VSTM1: variants seen among roughly 807,000 people sequenced by gnomAD.
VSTM1 encodes the protein V-set and transmembrane domain-containing protein 1.
In VSTM1, 27 loss-of-function variants were observed where a neutral mutation model predicts 33.1. That is an observed-to-expected ratio of 0.82 (90% CI 0.60 to 1.12). The LOEUF is 1.12. VSTM1 is among the 50% of genes most tolerant of loss of function. The probability of loss-of-function intolerance (pLI) is 0.00; values close to 1 mark genes in which losing one functional copy is unlikely to be tolerated. For missense variants in VSTM1, 304 were observed against 288.9 expected, an observed-to-expected ratio of 1.05 and a Z score of -0.38; for synonymous variants, 115 against 110.3, an observed-to-expected ratio of 1.04 and a Z score of -0.27.
chr19:54,055,996 T>G (rs75697675), intron 3 of VSTM1, among the ~76,000 whole-genome samples: 2,102 of 140,214 alleles, frequency 0.015, 335 homozygotes, highest in African/African-American at 0.052. Flanking sequence ...CTAGAGCCAG[T>G]AAACAACTTG....
intron 1 of VSTM1, among the ~76,000 whole-genome samples, chr19:54,061,645 T>C (rs903385200): frequency 2.4e-4 from 36 of 152,192 alleles, no homozygotes; most frequent in African/African-American, 7.9e-4. Flanking sequence ...AGATCCCATC[T>C]CTAAAACAGA....
rs1332098594 is a variant in VSTM1 at position 54,058,254 on chromosome 19, A to T, written c.355+52T>A. ...GACTCTGTCTTAAAAAAAAAAAAGC[A>T]AAGCCAAACCAAAGAAATGTGTGCA... On this transcript the variant is annotated intron_variant, in intron 3 of 8. Transcript: ENST00000338372. 3.3e-5 allele frequency: 52 copies of T among 1,557,530 alleles called. No homozygotes were observed. The South Asian group carries it at 5.8e-4, about 17-fold the overall frequency.
In VSTM1 at chr19:54,058,292, T is replaced by C; in HGVS notation, c.355+14A>G. On this transcript the variant is annotated intron_variant, in intron 3 of 8. Transcript: ENST00000338372. Reference sequence around the variant, plus strand: ...AGAAATGTGTGCATCAAAGAGTACATCTGCCCTTCTCACCTGTGACCACCA... The same window carrying C: ...AGAAATGTGTGCATCAAAGAGTACACCTGCCCTTCTCACCTGTGACCACCA... 6.2e-7 allele frequency: 1 copy of C among 1,602,648 alleles called. No individual in the cohort carries two copies. The highest frequency in any genetic ancestry group is 8.5e-7 in the Non-Finnish European group (1 of 1,171,688).
intron 1 of VSTM1, 74 bp from the exon 2 acceptor site, chr19:54,058,806 C>A: frequency 7.9e-7 from 1 of 1,259,712 alleles, no homozygotes; most frequent in Non-Finnish European, 1.2e-6. Context: ...GAACGTATGA[C>A]TAGCTCTTTA....
At chr19:54,046,518 TG>T (rs1433048679) in intron 4 of VSTM1, among the ~76,000 whole-genome samples, 1 of 152,092 alleles carries the variant, frequency 6.6e-6, no homozygotes, top group African/African-American at 2.4e-5. Flanking sequence ...GGTATAATGA[TG>T]ATTTTTTTTC....
chr19:54,050,512 A>T (rs1427530024), intron 4 of VSTM1, among the ~76,000 whole-genome samples: 1 of 152,088 alleles, frequency 6.6e-6, no homozygotes, highest in South Asian at 2.1e-4. Flanking sequence ...CACCCCCATT[A>T]TTCCCCAAAT....
At chr19:54,042,817 TATATATATATATATATATATAC>T (rs769617675) in intron 4 of VSTM1, among the ~76,000 whole-genome samples, 6,010 of 51,912 alleles carry the variant, frequency 0.12, 240 homozygotes, top group Non-Finnish European at 0.18. Context: ...TATATATATA[TATATATATATATATATATATAC>T]ATATATATAT....
rs2071221094 is a variant in VSTM1, at chr19:54,058,481, C to A, written c.180G>T (p.Leu60=). ...QAHSQNVTFV[L]RKVNDSGYKQ... ...TGTACCCAGAGTCGTTCACCTTGCGCAGCACAAATGTCACATTCTGGGAAT... is the reference window on the plus strand; with the variant it reads ...TGTACCCAGAGTCGTTCACCTTGCGAAGCACAAATGTCACATTCTGGGAAT... The change falls in exon 3 of 9, where the codon CTG becomes CTT. Residue 60 remains leucine (L), a synonymous_variant. Coordinates refer to ENST00000338372, the MANE Select transcript of VSTM1 (RefSeq NM_198481.4). 1 of 1,614,108 alleles carries A rather than the reference C, an allele frequency of 6.2e-7. No homozygotes were observed. Among genetic ancestry groups the A allele is most frequent in the Non-Finnish European group, 8.5e-7 (1 of 1,180,038 alleles).
chr19:54,061,958 C>T (rs2071414399), intron 1 of VSTM1, among the ~76,000 whole-genome samples: 2 of 152,150 alleles, frequency 1.3e-5, no homozygotes, highest in African/African-American at 2.4e-5. Flanking sequence ...GAGTTCGAGG[C>T]CAGCCTGGCC....
chr19:54,051,389 TCTC>T lies in VSTM1; in HGVS notation c.394+18_394+20del. On this transcript the variant is annotated intron_variant, in intron 4 of 8. Transcript: ENST00000338372. ...GAAGCAGATCTCATTGGGAAAAACA[TCTC>T]CTTTCTAATTATCTTACCTGTTTTC... 3.1e-6 allele frequency: 5 copies of T among 1,596,334 alleles called. No individual in the cohort carries two copies. The highest frequency in any genetic ancestry group is 1.4e-5 in the African/African-American group (1 of 73,828).
At position 54,047,341 on chromosome 19, in the gene VSTM1, C is replaced by T. The variant is rs1387648014; in HGVS notation, c.394+4069G>A. ...AGACAGTCTCACTCTGTCTCCCAGG[C>T]TGGAGTGCAGTGGTACAATCTCGGC... On this transcript the variant is annotated intron_variant, in intron 4 of 8. Transcript: ENST00000338372. Among the ~76,000 whole-genome samples the T allele has an allele frequency of 2.0e-5, 3 of 151,920 alleles. No individual in the cohort carries two copies. In the East Asian group the frequency reaches 5.8e-4, roughly 29 times the overall value.
At position 54,042,267 on chromosome 19, in the gene VSTM1, C is replaced by T. The variant is rs1206132514; in HGVS notation, c.487+10G>A. On this transcript the variant is annotated intron_variant, in intron 5 of 8. Transcript: ENST00000338372. ...CTCCCCCTCTCTCCCTTTGCGTTCT[C>T]TGAGCTCACTGTGCTGGCTGCATCT... 1 of 1,613,844 alleles carries T rather than the reference C, an allele frequency of 6.2e-7. No individual in the cohort carries two copies. Among genetic ancestry groups the T allele is most frequent in the Admixed American group, 1.7e-5 (1 of 59,964 alleles).
intron 4 of VSTM1, among the ~76,000 whole-genome samples, chr19:54,046,027 CTACT>C (rs1252893718): frequency 1.3e-5 from 2 of 151,972 alleles, no homozygotes; most frequent in Admixed American, 6.6e-5. Context: ...AGTTATCTAT[CTACT>C]TACTTATCTA....
chr19:54,049,431 A>G (rs1028805158), intron 4 of VSTM1, among the ~76,000 whole-genome samples: 2 of 152,178 alleles, frequency 1.3e-5, no homozygotes, highest in African/African-American at 4.8e-5. Context: ...TGTAGTGGTG[A>G]TGGTTATACT....
intron 3 of VSTM1, among the ~76,000 whole-genome samples, chr19:54,052,014 G>A (rs1029479653): frequency 6.6e-6 from 1 of 152,106 alleles, no homozygotes; most frequent in African/African-American, 2.4e-5. Context: ...ACCTGCCTTG[G>A]CCACTCAGAA....
chr19:54,041,752 G>A (rs749273363), intron 8 of VSTM1, 27 bp downstream of exon 8: 9 of 1,611,038 alleles, frequency 5.6e-6, no homozygotes, highest in Non-Finnish European at 7.6e-6. Flanking sequence ...GGGAGCTCTT[G>A]TGGGACTCCT....
chr19:54,051,039 A>T (rs1213726490), intron 4 of VSTM1, among the ~76,000 whole-genome samples: 2 of 151,634 alleles, frequency 1.3e-5, no homozygotes, highest in Non-Finnish European at 2.9e-5. Context: ...CACGCCTGTA[A>T]TCCCAGCACT....
intron 4 of VSTM1, chr19:54,048,375 C>T (rs1487561658): frequency 2.5e-6 from 1 of 400,476 alleles, no homozygotes; most frequent in Admixed American, 2.7e-5. Flanking sequence ...CTCATCTTCC[C>T]AAAGTCCTGG....
rs1296826362 is a variant in VSTM1 at position 54,058,963 on chromosome 19, T to A, written c.35-231A>T. On this transcript the variant is annotated intron_variant, in intron 1 of 8. Coordinates refer to ENST00000338372, the MANE Select transcript of VSTM1 (RefSeq NM_198481.4). ...TGTATTACATATATGTATATATTTT[T>A]GGCAGATATCTCCCCAGACTTACCT... Among the ~76,000 whole-genome samples, 3 of 149,050 alleles carry A rather than the reference T, an allele frequency of 2.0e-5. No individual in the cohort carries two copies. The East Asian group carries it at 5.8e-4, about 29-fold the overall frequency.
Sources: allele counts gnomAD v4.1 joint callset (sites outside exome capture counted in the v4.1 genomes callset), GRCh38; gene constraint gnomAD v4.1.1; transcripts MANE v1.5; gene names NCBI Gene and HGNC (gene_info 2026-07-23, HGNC 2026-07-21).